The following DOCK10 variants were observed in gnomAD, a reference collection of about 807,000 sequenced individuals.
DOCK10 encodes the protein dedicator of cytokinesis 10, also known as dedicator of cytokinesis protein 10.
DOCK10 carries 145 observed loss-of-function variants against 280.1 expected under a neutral mutation model. The ratio of observed to expected loss-of-function variants is 0.52; its 90% CI spans 0.45 to 0.59. The LOEUF (loss-of-function observed/expected upper bound fraction) is 0.59, where lower values mean the gene tolerates loss of function less well. Among genes scored for constraint, DOCK10 ranks in the 20% least tolerant of loss-of-function variants. The probability of loss-of-function intolerance (pLI) is 0.00; values close to 1 mark genes in which losing one functional copy is unlikely to be tolerated. For synonymous variants in DOCK10, 915 were observed against 942.2 expected (o/e 0.97, Z 0.53); for missense variants, 2,368 against 2,651.7 (o/e 0.89, Z 2.35).
chr2:224,892,397 C>CAAAAAAAAAAAA (rs1174651393), intron 4 of DOCK10, among the ~76,000 whole-genome samples: 13 of 52,252 alleles, frequency 2.5e-4, no homozygotes, highest in African/African-American at 3.1e-4. Flanking sequence ...GACCCTGTCT[C>CAAAAAAAAAAAA]AAAAAAAAAA....
intron 1 of DOCK10, among the ~76,000 whole-genome samples, chr2:224,954,767 C>T (rs150688748): frequency 3.3e-3 from 508 of 152,330 alleles, no homozygotes; most frequent in African/African-American, 0.012. Context: ...CTAATTCTCA[C>T]CTAGAATACA....
chr2:224,943,129 AT>A (rs1158844750), intron 1 of DOCK10, among the ~76,000 whole-genome samples: 2 of 152,226 alleles, frequency 1.3e-5, no homozygotes, highest in East Asian at 3.8e-4. Flanking sequence ...CACCACACAC[AT>A]TTCAAAAATT....
intron 1 of DOCK10, among the ~76,000 whole-genome samples, chr2:224,991,050 C>A (rs2126269787): frequency 6.6e-6 from 1 of 152,302 alleles, no homozygotes; most frequent in East Asian, 1.9e-4. Flanking sequence ...GAAGCAATAT[C>A]ATTCTGACCT....
chr2:224,901,019 A>G (rs1559705860), intron 3 of DOCK10, among the ~76,000 whole-genome samples: 1 of 152,184 alleles, frequency 6.6e-6, no homozygotes, highest in African/African-American at 2.4e-5. Context: ...ATGCTTCTAA[A>G]TCTGTGATTT....
At chr2:224,779,008 C>A (rs1691089297) in intron 50 of DOCK10, among the ~76,000 whole-genome samples, 1 of 152,082 alleles carries the variant, frequency 6.6e-6, no homozygotes, top group African/African-American at 2.4e-5. Context: ...CATTTTTATT[C>A]CACAAGAGCA....
intron 25 of DOCK10, among the ~76,000 whole-genome samples, chr2:224,837,024 GA>G (rs111617984): frequency 1.6e-4 from 25 of 151,680 alleles, no homozygotes; most frequent in African/African-American, 6.0e-4. Context: ...CTATGCATAG[GA>G]AAAAAAATAA....
intron 1 of DOCK10, among the ~76,000 whole-genome samples, chr2:224,945,616 T>C (rs1406950868): frequency 2.0e-5 from 3 of 152,198 alleles, no homozygotes; most frequent in Admixed American, 6.5e-5. Flanking sequence ...AGGGCCTCTA[T>C]TCATTGAGAG....
intron 1 of DOCK10, among the ~76,000 whole-genome samples, chr2:224,976,411 T>A (rs1705443452): frequency 6.6e-6 from 1 of 152,166 alleles, no homozygotes; most frequent in African/African-American, 2.4e-5. Context: ...TAATAATAAT[T>A]TAAAAAGTCA....
rs1697800452 is a variant in DOCK10, at chr2:224,864,990, C to T, written c.1355G>A (p.Arg452Lys). The change falls in exon 12 of 56, where the codon AGA becomes AAA. Residue 452 changes from arginine (R) to lysine (K), a missense_variant. By Grantham distance (26) the Arg-to-Lys change is conservative (BLOSUM62 2). Coordinates refer to ENST00000258390, the MANE Select transcript of DOCK10 (RefSeq NM_014689.3). Reference sequence around the variant, plus strand: ...CACAGAAGCCCCCAAGAGCATCTGTCTGACAGCAGCATGGTTTAGATCCAC... The same window carrying T: ...CACAGAAGCCCCCAAGAGCATCTGTTTGACAGCAGCATGGTTTAGATCCAC... ...FHVDLNHAAV[R>K]QMLLGASVAL... The T allele has an allele frequency of 1.2e-6, 2 of 1,613,862 alleles. No homozygotes were observed. Among genetic ancestry groups the T allele is most frequent in the Non-Finnish European group, 8.5e-7 (1 of 1,179,894 alleles).
intron 1 of DOCK10, among the ~76,000 whole-genome samples, chr2:224,979,754 C>A (rs368577387): frequency 2.6e-5 from 4 of 152,172 alleles, no homozygotes; most frequent in Non-Finnish European, 5.9e-5. Context: ...AACGTCTTAC[C>A]GTTACATCCC....
At chr2:224,842,273 C>G (rs1696016484) in intron 22 of DOCK10, among the ~76,000 whole-genome samples, 1 of 152,250 alleles carries the variant, frequency 6.6e-6, no homozygotes, top group African/African-American at 2.4e-5. Flanking sequence ...ATCCTTGACA[C>G]ACATGACAAT....
At chr2:224,897,023 C>T (rs1700025985) in intron 3 of DOCK10, among the ~76,000 whole-genome samples, 1 of 152,184 alleles carries the variant, frequency 6.6e-6, no homozygotes, top group Non-Finnish European at 1.5e-5. Flanking sequence ...TTTTCAGCTT[C>T]CTTTGGCAAG....
intron 22 of DOCK10, among the ~76,000 whole-genome samples, chr2:224,843,155 G>A (rs553233635): frequency 6.6e-6 from 1 of 152,302 alleles, no homozygotes; most frequent in African/African-American, 2.4e-5. Flanking sequence ...TAATAGCCAG[G>A]GAGGGAGAGT....
chr2:224,942,812 G>A (rs767055069), intron 1 of DOCK10, among the ~76,000 whole-genome samples: 6 of 152,166 alleles, frequency 3.9e-5, no homozygotes, highest in Middle Eastern at 3.4e-3. Flanking sequence ...ATTTTCATGG[G>A]TATCCAGTTT....
At chr2:224,851,449 T>G (rs966801042) in intron 18 of DOCK10, among the ~76,000 whole-genome samples, 8 of 142,014 alleles carry the variant, frequency 5.6e-5, no homozygotes, top group Non-Finnish European at 1.2e-4. Flanking sequence ...AAGACCTTCT[T>G]TTTTTTTTTA....
intron 39 of DOCK10, among the ~76,000 whole-genome samples, chr2:224,803,399 C>G (rs761231482): frequency 6.6e-6 from 1 of 151,892 alleles, no homozygotes; most frequent in Non-Finnish European, 1.5e-5. Flanking sequence ...CTTTCTAAAA[C>G]CCTTTCTAAA....
chr2:224,976,427 C>T (rs896980055), intron 1 of DOCK10, among the ~76,000 whole-genome samples: 1 of 152,108 alleles, frequency 6.6e-6, no homozygotes, highest in Non-Finnish European at 1.5e-5. Context: ...AGTCAATATT[C>T]TGGTGCTTCC....
intron 15 of DOCK10, among the ~76,000 whole-genome samples, chr2:224,855,845 C>T (rs1697094615): frequency 1.3e-5 from 2 of 152,046 alleles, no homozygotes; most frequent in Non-Finnish European, 2.9e-5. Flanking sequence ...CTAAACACAG[C>T]CGTTAATAAA....
intron 1 of DOCK10, among the ~76,000 whole-genome samples, chr2:225,014,103 T>TG (rs1195369082): frequency 1.4e-5 from 2 of 146,688 alleles, no homozygotes; most frequent in Non-Finnish European, 3.0e-5. Context: ...TTTTTGTTTT[T>TG]TTTTTTAAGA....
Sources: allele counts gnomAD v4.1 joint callset (sites outside exome capture counted in the v4.1 genomes callset), GRCh38; gene constraint gnomAD v4.1.1; transcripts MANE v1.5; gene names NCBI Gene and HGNC (gene_info 2026-07-23, HGNC 2026-07-21).